Variants in TMSB15B observed in about 807,000 individuals in gnomAD.
TMSB15B encodes the protein thymosin beta 15B.
chrX:103,943,857 T>G (rs1333106540), intron 1 of TMSB15B, among the ~76,000 whole-genome samples: 56 of 112,310 alleles, frequency 5.0e-4, no homozygotes, highest in African/African-American at 1.8e-3. Flanking sequence ...ATTTCCTCTA[T>G]GCAGGCTTCT....
chrX:103,939,341 C>CT (rs2075006565), intron 1 of TMSB15B, among the ~76,000 whole-genome samples: 1 of 109,893 alleles, frequency 9.1e-6, no homozygotes, highest in Non-Finnish European at 1.9e-5. Context: ...TTCTTGGAGG[C>CT]TTTTTTTTGT....
intron 1 of TMSB15B, among the ~76,000 whole-genome samples, chrX:103,954,764 G>A (rs781821225): frequency 9.0e-6 from 1 of 111,019 alleles, no homozygotes; most frequent in South Asian, 3.9e-4. Flanking sequence ...CCAGAACTCT[G>A]CCCCAAGCCA....
At chrX:103,933,755 A>G (rs1324834541) in intron 1 of TMSB15B, among the ~76,000 whole-genome samples, 1 of 110,074 alleles carries the variant, frequency 9.1e-6, no homozygotes. Context: ...ACAGTTTACC[A>G]TTGTACCATA....
chrX:103,927,755 A>G (rs782050945), intron 1 of TMSB15B, among the ~76,000 whole-genome samples: 2 of 109,397 alleles, frequency 1.8e-5, no homozygotes, highest in Non-Finnish European at 3.8e-5. Flanking sequence ...TGATGCATTA[A>G]GTTTTGGAGT....
intron 1 of TMSB15B, among the ~76,000 whole-genome samples, chrX:103,933,770 AT>A (rs2074990376): frequency 9.2e-6 from 1 of 108,709 alleles, no homozygotes; most frequent in South Asian, 3.9e-4. Context: ...ACCATAATTT[AT>A]TCATGATAAG....
intron 1 of TMSB15B, among the ~76,000 whole-genome samples, chrX:103,921,237 A>T (rs1436466414): frequency 8.9e-6 from 1 of 111,776 alleles, no homozygotes; most frequent in Non-Finnish European, 1.9e-5. Context: ...GAAAGTGTGG[A>T]TGTATGGAGA....
intron 1 of TMSB15B, among the ~76,000 whole-genome samples, chrX:103,943,696 C>A (rs1406130425): frequency 8.9e-6 from 1 of 111,870 alleles, no homozygotes. Context: ...TTATGAATCT[C>A]GATGTCCCAA....
At chrX:103,935,709 G>C (rs782284138) in intron 1 of TMSB15B, among the ~76,000 whole-genome samples, 1 of 110,864 alleles carries the variant, frequency 9.0e-6, no homozygotes, top group Non-Finnish European at 1.9e-5. Flanking sequence ...ATCTGTTTTG[G>C]TACCAGTACC....
intron 1 of TMSB15B, among the ~76,000 whole-genome samples, chrX:103,953,971 A>C (rs2075045125): frequency 9.0e-6 from 1 of 111,510 alleles, no homozygotes. Context: ...GGGGTCCGAC[A>C]CACCCTCCAT....
At chrX:103,946,446 T>A (rs112474003) in intron 1 of TMSB15B, among the ~76,000 whole-genome samples, 1 of 112,308 alleles carries the variant, frequency 8.9e-6, no homozygotes, top group African/African-American at 3.2e-5. Flanking sequence ...TGGGTTGTCT[T>A]TCCCAACAAT....
intron 1 of TMSB15B, among the ~76,000 whole-genome samples, chrX:103,934,504 A>C (rs1240397126): frequency 9.1e-6 from 1 of 109,767 alleles, no homozygotes; most frequent in Non-Finnish European, 1.9e-5. Flanking sequence ...CCCCGCTCCC[A>C]GACAGGCCCC....
In TMSB15B at chrX:103,949,004, A is replaced by G. The variant is rs782359967; in HGVS notation, c.-720-13017A>G. ...AAGTAGGATGGTTCAGGTAGGACTC[A>G]TTGATACAGTGAGATTTGAGCCTTG... On this transcript the variant is annotated intron_variant, in intron 1 of 3. Coordinates refer to the TMSB15B transcript ENST00000419165. Among the ~76,000 whole-genome samples, 4 of 111,843 alleles carry G rather than the reference A, an allele frequency of 3.6e-5. No homozygotes were observed. In the South Asian group the frequency reaches 1.5e-3, roughly 43 times the overall value.
At chrX:103,928,875 C>T in intron 1 of TMSB15B, 1 of 1,204,131 alleles carries the variant, frequency 8.3e-7, no homozygotes, top group South Asian at 1.8e-5. Context: ...ATGTGTGGAA[C>T]ACTTGGGGCC....
chrX:103,932,871 AG>A (rs1319450153), intron 1 of TMSB15B: 3 of 112,055 alleles, frequency 2.7e-5, no homozygotes, highest in African/African-American at 9.7e-5. Context: ...ATCTGTTTAA[AG>A]ACATAAAATA....
intron 1 of TMSB15B, among the ~76,000 whole-genome samples, chrX:103,930,728 A>G (rs1286183153): frequency 0.18 from 7,277 of 39,580 alleles, 285 homozygotes; most frequent in Middle Eastern, 0.32. Context: ...TGCTGTTGAT[A>G]ATAATAATAA....
intron 1 of TMSB15B, chrX:103,928,305 G>A: frequency 1.8e-5 from 22 of 1,204,182 alleles, no homozygotes; most frequent in Non-Finnish European, 2.5e-5. Context: ...AGACACTTTG[G>A]CACGAAGGTC....
At position 103,928,299 on chromosome X, in the gene TMSB15B, A is replaced by AT. The variant is rs1381916204; in HGVS notation, c.-721+9007_-721+9008insT. 7.5e-6 allele frequency: 9 copies of AT among 1,204,724 alleles called. No homozygotes were observed. The Admixed American group carries it at 2.0e-4, about 26-fold the overall frequency. ...ATGGCAGTGTCAGAGGCTGTGAGAC[A>AT]CTTTGGCACGAAGGTCCTCAATACT... On this transcript the variant is annotated intron_variant, in intron 1 of 3. Coordinates refer to the TMSB15B transcript ENST00000419165.
At chrX:103,924,498 G>A (rs2074962674) in intron 1 of TMSB15B, among the ~76,000 whole-genome samples, 1 of 111,672 alleles carries the variant, frequency 9.0e-6, no homozygotes, top group Non-Finnish European at 1.9e-5. Flanking sequence ...ACCTTCATTA[G>A]TGTACCCTTT....
intron 1 of TMSB15B, chrX:103,928,784 A>G (rs2074976643): frequency 1.7e-6 from 2 of 1,187,728 alleles, no homozygotes; most frequent in Middle Eastern, 2.3e-4. Flanking sequence ...CTAGTTCTGT[A>G]TCCTCCGATT....
Sources: allele counts gnomAD v4.1 joint callset (sites outside exome capture counted in the v4.1 genomes callset), GRCh38; gene constraint gnomAD v4.1.1; transcripts MANE v1.5; gene names NCBI Gene and HGNC (gene_info 2026-07-23, HGNC 2026-07-21).